KCNB2: variants seen among roughly 807,000 people sequenced by gnomAD.
The protein encoded by KCNB2 is delayed rectifier potassium channel protein.
A neutral mutation model predicts 61.5 loss-of-function variants in KCNB2; 15 were observed. That is an observed-to-expected ratio of 0.24 (90% CI 0.16 to 0.38). KCNB2 has a LOEUF of 0.38. Among genes scored for constraint, KCNB2 ranks in the 10% least tolerant of loss-of-function variants. The probability of loss-of-function intolerance (pLI) is 1.00; values close to 1 mark genes in which losing one functional copy is unlikely to be tolerated. For missense variants in KCNB2, 828 were observed against 1,125.2 expected (o/e 0.74, Z 3.78); for synonymous variants, 457 against 446.0 (o/e 1.02, Z -0.31).
chr8:72,585,296 A>G (rs1166828884), intron 2 of KCNB2, among the ~76,000 whole-genome samples: 1 of 152,258 alleles, frequency 6.6e-6, no homozygotes, highest in Admixed American at 6.5e-5. Flanking sequence ...GGAATTCTTC[A>G]TAATATATAA....
intron 2 of KCNB2, among the ~76,000 whole-genome samples, chr8:72,803,407 A>T (rs903570822): frequency 3.3e-5 from 5 of 152,196 alleles, no homozygotes; most frequent in Admixed American, 2.0e-4. Context: ...ATGTTCCAAA[A>T]GCCATTATAG....
In KCNB2 at chr8:72,924,036, C is replaced by A. The variant is rs553741479; in HGVS notation, c.580-11899C>A. The stretch of plus-strand genomic sequence containing the variant: ...ACAGGCTCCGTGTCTTGACTCAGGT[C>A]ATGCAGTTAATTCAGTAATACAGAA... On this transcript the variant is annotated intron_variant, in intron 2 of 2. Coordinates refer to ENST00000523207, the MANE Select transcript of KCNB2 (RefSeq NM_004770.3). 1.7e-3 allele frequency among the ~76,000 whole-genome samples: 257 copies of A among 152,266 alleles called. 2 individuals are homozygous for A. The highest frequency in any genetic ancestry group is 5.8e-3 in the African/African-American group (239 of 41,564).
intron 2 of KCNB2, among the ~76,000 whole-genome samples, chr8:72,864,135 C>T (rs547033721): frequency 6.6e-6 from 1 of 152,268 alleles, no homozygotes; most frequent in South Asian, 2.1e-4. Context: ...TCAACTGATT[C>T]CCTAATCCTG....
chr8:72,756,783 T>C (rs1017253536), intron 2 of KCNB2, among the ~76,000 whole-genome samples: 1 of 152,142 alleles, frequency 6.6e-6, no homozygotes, highest in African/African-American at 2.4e-5. Context: ...CTTTGAGTGA[T>C]CATGAAAGGT....
At chr8:72,667,216 A>G (rs1323684810) in intron 2 of KCNB2, among the ~76,000 whole-genome samples, 3 of 152,214 alleles carry the variant, frequency 2.0e-5, no homozygotes, top group East Asian at 1.9e-4. Context: ...GGCCTGAAGC[A>G]TAATAAGCTG....
chr8:72,881,557 A>T (rs1389250868), intron 2 of KCNB2: 1 of 2,990 alleles, frequency 3.3e-4, no homozygotes, highest in East Asian at 6.9e-4. Flanking sequence ...TGTAGACCGG[A>T]GCTGTTCCTA....
chr8:72,839,334 TCA>T (rs1809836527), intron 2 of KCNB2, among the ~76,000 whole-genome samples: 1 of 152,206 alleles, frequency 6.6e-6, no homozygotes, highest in African/African-American at 2.4e-5. Context: ...TTAGAAAATC[TCA>T]GATTCAACTT....
chr8:72,929,667 C>G (rs1169256894), intron 2 of KCNB2, among the ~76,000 whole-genome samples: 1 of 152,144 alleles, frequency 6.6e-6, no homozygotes, highest in African/African-American at 2.4e-5. Context: ...CAGAGAATCA[C>G]CAAATGTTAG....
At chr8:72,539,191 A>G (rs1217550624) in intron 1 of KCNB2, among the ~76,000 whole-genome samples, 1 of 152,188 alleles carries the variant, frequency 6.6e-6, no homozygotes. Flanking sequence ...ATTAACTCAA[A>G]CAGTTTAGTA....
At chr8:72,730,202 C>A (rs1807718447) in intron 2 of KCNB2, among the ~76,000 whole-genome samples, 1 of 152,222 alleles carries the variant, frequency 6.6e-6, no homozygotes, top group African/African-American at 2.4e-5. Flanking sequence ...AGGAGTTGAG[C>A]TTGTTAAGGG....
chr8:72,753,244 TAA>T (rs756964064), intron 2 of KCNB2, among the ~76,000 whole-genome samples: 26 of 152,368 alleles, frequency 1.7e-4, no homozygotes, highest in Non-Finnish European at 2.9e-4. Context: ...TCCTTTGACT[TAA>T]AGTCTTTAGT....
At chr8:72,583,071 A>G (rs1236320243) in intron 2 of KCNB2, among the ~76,000 whole-genome samples, 1 of 152,186 alleles carries the variant, frequency 6.6e-6, no homozygotes, top group Non-Finnish European at 1.5e-5. Context: ...GAAACTCCTA[A>G]GTTCAGGATT....
intron 2 of KCNB2, among the ~76,000 whole-genome samples, chr8:72,890,331 G>A (rs1185069288): frequency 2.6e-5 from 4 of 152,182 alleles, no homozygotes; most frequent in Admixed American, 1.3e-4. Flanking sequence ...CAAAGGGTGT[G>A]GCAGAGGCGG....
chr8:72,904,033 T>G (rs1194049506), intron 2 of KCNB2, among the ~76,000 whole-genome samples: 1 of 152,182 alleles, frequency 6.6e-6, no homozygotes, highest in Admixed American at 6.5e-5. Flanking sequence ...GGGTTATTTT[T>G]TAAAGGTGTT....
chr8:72,863,006 T>A (rs1040997612), intron 2 of KCNB2, among the ~76,000 whole-genome samples: 5 of 152,214 alleles, frequency 3.3e-5, no homozygotes, highest in Non-Finnish European at 5.9e-5. Context: ...TTCAGACTTT[T>A]CTGATTTCAA....
chr8:72,839,719 T>C (rs1033999442), intron 2 of KCNB2, among the ~76,000 whole-genome samples: 2 of 147,454 alleles, frequency 1.4e-5, no homozygotes, highest in African/African-American at 5.0e-5. Context: ...TTCACACCAT[T>C]CTTCTGCCTC....
In KCNB2 at chr8:72,745,303, G is replaced by T. The variant is rs1808040223; in HGVS notation, c.579+176990G>T. On this transcript the variant is annotated intron_variant, in intron 2 of 2. Transcript: ENST00000523207. Reference sequence around the variant, plus strand: ...ACATGCATATTTTTATGGCATGCATGCTCCTAGTTACCCAGGGGTTAAGGG... The same window carrying T: ...ACATGCATATTTTTATGGCATGCATTCTCCTAGTTACCCAGGGGTTAAGGG... Among the ~76,000 whole-genome samples the T allele has an allele frequency of 1.3e-5, 2 of 152,078 alleles. 1 individual carries two copies. The highest frequency in any genetic ancestry group is 1.3e-4 in the Admixed American group (2 of 15,268).
chr8:72,929,638 T>C (rs1269172470), intron 2 of KCNB2, among the ~76,000 whole-genome samples: 2 of 152,322 alleles, frequency 1.3e-5, no homozygotes, highest in Admixed American at 6.5e-5. Context: ...CTGGAATTAG[T>C]AAAATGTTTT....
At chr8:72,724,161 C>T (rs942752456) in intron 2 of KCNB2, among the ~76,000 whole-genome samples, 24 of 152,124 alleles carry the variant, frequency 1.6e-4, no homozygotes, top group African/African-American at 5.1e-4. Context: ...GGTGTTATAG[C>T]GGTATTTCGT....
Sources: gnomAD v4.1 joint callset for allele counts (sites outside exome capture counted in the v4.1 genomes callset) on GRCh38, gnomAD v4.1.1 for gene constraint, MANE v1.5 for transcripts, NCBI Gene and HGNC (gene_info 2026-07-23, HGNC 2026-07-21) for gene names.